The following SOS2 variants were observed in gnomAD, a reference collection of about 807,000 sequenced individuals.
SOS2 encodes son of sevenless homolog 2.
SOS2 carries 65 observed loss-of-function variants against 148.2 expected under a neutral mutation model. That is an observed-to-expected ratio of 0.44 (90% confidence interval 0.36 to 0.54). The LOEUF (loss-of-function observed/expected upper bound fraction) is 0.54, where lower values mean the gene tolerates loss of function less well. SOS2 is among the 20% of genes least tolerant of loss of function. The pLI is 0.00. For synonymous variants in SOS2, 539 were observed against 537.1 expected, an observed-to-expected ratio of 1.00 and a Z score of -0.05; for missense variants, 1,341 against 1,590.2, an observed-to-expected ratio of 0.84 and a Z score of 2.67.
chr14:50,225,375 G>A (rs143363313), intron 1 of SOS2, among the ~76,000 whole-genome samples: 32 of 152,258 alleles, frequency 2.1e-4, no homozygotes, highest in Non-Finnish European at 2.8e-4. Context: ...CTGTTCCCTT[G>A]AAAGAGAGTC....
At chr14:50,206,704 G>C (rs986926063) in intron 1 of SOS2, among the ~76,000 whole-genome samples, 1 of 152,146 alleles carries the variant, frequency 6.6e-6, no homozygotes, top group Admixed American at 6.6e-5. Flanking sequence ...TAAGAATCTA[G>C]AAGCAAATTT....
chr14:50,172,020 T>C (rs916835621), intron 8 of SOS2, among the ~76,000 whole-genome samples: 4 of 152,188 alleles, frequency 2.6e-5, no homozygotes, highest in Non-Finnish European at 5.9e-5. Flanking sequence ...ATACATATTT[T>C]TTAATTTAAA....
chr14:50,195,582 C>A (rs575404689), intron 4 of SOS2, among the ~76,000 whole-genome samples: 57 of 151,836 alleles, frequency 3.8e-4, no homozygotes, highest in African/African-American at 1.3e-3. Context: ...GGCAACATAG[C>A]AAGACCCCAT....
chr14:50,127,244 C>T (rs1421920885), intron 21 of SOS2, among the ~76,000 whole-genome samples: 1 of 150,396 alleles, frequency 6.6e-6, no homozygotes, highest in African/African-American at 2.5e-5. Context: ...CGGGTTCAAG[C>T]AATTCTCCTG....
At chr14:50,144,699 A>C (rs1275323090) in intron 16 of SOS2, among the ~76,000 whole-genome samples, 2 of 152,122 alleles carry the variant, frequency 1.3e-5, no homozygotes, top group South Asian at 2.1e-4. Flanking sequence ...CAGCCTCCTA[A>C]AGTGCTGGGA....
intron 14 of SOS2, among the ~76,000 whole-genome samples, 165 bp from the exon 15 acceptor site, chr14:50,145,761 A>C (rs980461932): frequency 6.6e-6 from 1 of 152,196 alleles, no homozygotes; most frequent in Non-Finnish European, 1.5e-5. Context: ...CAAACACGAA[A>C]ACACACTTTA....
At chr14:50,126,119 T>C (rs1000799896) in intron 21 of SOS2, among the ~76,000 whole-genome samples, 7 of 151,924 alleles carry the variant, frequency 4.6e-5, no homozygotes, top group African/African-American at 1.5e-4. Flanking sequence ...TGAACAGAAA[T>C]ACTACTGGAC....
Position 50,178,532 on chromosome 14 carries a change from C to T in SOS2, c.969+2040G>A, listed in dbSNP as rs568037937. On this transcript the variant is annotated intron_variant, in intron 7 of 22. Transcript: ENST00000216373. ...AGGCTTGAGTGCAGTGTTGCAATCT[C>T]GGCTCACTGCAACCCCCACCTCCTG... is the stretch of plus-strand genomic sequence containing the variant. Among the ~76,000 whole-genome samples the T allele has an allele frequency of 3.6e-3, 547 of 151,610 alleles. 6 individuals carry two copies. The highest frequency in any genetic ancestry group is 0.013 in the African/African-American group (520 of 41,354).
chr14:50,146,784 C>T (rs1039099513), intron 14 of SOS2, among the ~76,000 whole-genome samples: 1 of 152,184 alleles, frequency 6.6e-6, no homozygotes, highest in Admixed American at 6.5e-5. Context: ...CGGAACACTA[C>T]ACAGCATCTA....
In SOS2 at chr14:50,231,269, C is replaced by A; in HGVS notation, c.15G>T (p.Pro5=). The stretch of plus-strand genomic sequence containing the variant: ...CCTCGCTGAAGAACTCGTAAGGCTG[C>A]GGCGCCTGCTGCATGGCCCCGGCGA... The part of the protein sequence containing the change: MQQA[P]QPYEFFSEEN... Residue 5 remains proline, a synonymous_variant, in exon 1 of 23, where the codon CCG becomes CCT. Coordinates refer to ENST00000216373, the MANE Select transcript of SOS2 (RefSeq NM_006939.4). 1 of 1,473,208 alleles carries A rather than the reference C, an allele frequency of 6.8e-7. No homozygotes were observed. Among genetic ancestry groups the A allele is most frequent in the Non-Finnish European group, 9.1e-7 (1 of 1,097,668 alleles). The allele number at this position is 1,473,208 out of a possible 1,614,324, so 91.3% of individuals were successfully genotyped here. A position where few individuals can be genotyped will look rare whatever the true frequency, so the allele number is the denominator to read the frequency against.
intron 20 of SOS2, 136 bp from the exon 21 acceptor site, chr14:50,130,138 A>G (rs553647500): frequency 1.6e-6 from 1 of 613,718 alleles, no homozygotes; most frequent in East Asian, 3.0e-5. Context: ...TTTTTAAAAA[A>G]TTAACTCAGA....
At chr14:50,194,141 C>A (rs1886243570) in intron 4 of SOS2, among the ~76,000 whole-genome samples, 1 of 152,172 alleles carries the variant, frequency 6.6e-6, no homozygotes, top group African/African-American at 2.4e-5. Flanking sequence ...AAACTACAGG[C>A]CAAATCCAGC....
intron 5 of SOS2, among the ~76,000 whole-genome samples, chr14:50,184,581 A>G (rs918157085): frequency 2.0e-5 from 3 of 151,996 alleles, no homozygotes; most frequent in Non-Finnish European, 4.4e-5. Flanking sequence ...GTTACTTGAA[A>G]CCAAACTGAC....
rs1308740864 is a variant in SOS2, at chr14:50,180,614, G to A, written c.927C>T (p.Phe309=). Residue 309 remains phenylalanine, a synonymous_variant, in exon 7 of 23, where the codon TTC becomes TTT. Transcript: ENST00000216373. ...DILSPEFHEH[F]NKLMARPAVA... ...CTGCAGGTCTGGCCATCAATTTATT[G>A]AAATGTTCATGAAACTCTGGTGAAA... is the stretch of plus-strand genomic sequence containing the variant. 6 of 1,590,478 alleles carry A rather than the reference G, an allele frequency of 3.8e-6. No homozygotes were observed. The African/African-American group carries it at 6.8e-5, about 18-fold the overall frequency.
At chr14:50,209,735 G>A (rs1190443121) in intron 1 of SOS2, among the ~76,000 whole-genome samples, 1 of 144,446 alleles carries the variant, frequency 6.9e-6, no homozygotes, top group African/African-American at 2.6e-5. Context: ...TCCAGCTTGG[G>A]TGAGAGTGAG....
Position 50,184,527 on chromosome 14 carries a change from T to A in SOS2, c.715-1921A>T, listed in dbSNP as rs1303033916. ...GTAGGGCCCCTAGATAACCTCATGA[T>A]AGGGCCAGTCACCAAAAAGACCAGA... On this transcript the variant is annotated intron_variant, in intron 5 of 22. Transcript: ENST00000216373. Among the ~76,000 whole-genome samples the A allele has an allele frequency of 3.3e-5, 5 of 152,146 alleles. No individual in the cohort carries two copies. In the East Asian group the frequency reaches 9.7e-4, roughly 29 times the overall value.
chr14:50,191,455 T>C (rs1002423841), intron 4 of SOS2, among the ~76,000 whole-genome samples: 1 of 152,122 alleles, frequency 6.6e-6, no homozygotes, highest in Admixed American at 6.5e-5. Flanking sequence ...AGTGACAGAA[T>C]GAGATCCTAT....
intron 12 of SOS2, among the ~76,000 whole-genome samples, chr14:50,154,352 A>G (rs991535760): frequency 5.9e-5 from 9 of 152,232 alleles, no homozygotes; most frequent in African/African-American, 2.2e-4. Context: ...AAAGACTGAC[A>G]TTACTAAACA....
intron 1 of SOS2, among the ~76,000 whole-genome samples, chr14:50,211,611 AATTATTATT>A (rs138456236): frequency 1.4e-5 from 2 of 147,512 alleles, no homozygotes; most frequent in African/African-American, 4.9e-5. Flanking sequence ...TTTTTTAATT[AATTATTATT>A]ATTATTATTA....
Sources: gnomAD v4.1 joint callset for allele counts (sites outside exome capture counted in the v4.1 genomes callset) on GRCh38, gnomAD v4.1.1 for gene constraint, MANE v1.5 for transcripts, NCBI Gene and HGNC (gene_info 2026-07-23, HGNC 2026-07-21) for gene names.